GLRA2: variants seen among roughly 807,000 people sequenced by gnomAD.
GLRA2 encodes glycine receptor subunit alpha-2.
Under a neutral mutation model 31.6 loss-of-function variants are expected in GLRA2, and 11 were observed. The observed-to-expected ratio is 0.35, with a 90% confidence interval of 0.22 to 0.58. GLRA2 has a LOEUF of 0.58. GLRA2 is among the 20% of genes least tolerant of loss of function. GLRA2 has a pLI of 0.84. For synonymous variants in GLRA2, 132 were observed against 134.0 expected (o/e 0.99, Z 0.10); for missense variants, 212 against 351.8 (o/e 0.60, Z 3.18).
chrX:14,672,690 A>G (rs965184183), intron 7 of GLRA2, among the ~76,000 whole-genome samples: 5 of 112,033 alleles, frequency 4.5e-5, no homozygotes, highest in African/African-American at 1.6e-4. Flanking sequence ...AAGTGAGATC[A>G]ACAGCCCAGC....
chrX:14,723,547 T>A (rs1468799048), intron 8 of GLRA2, among the ~76,000 whole-genome samples: 1 of 112,115 alleles, frequency 8.9e-6, no homozygotes, highest in Non-Finnish European at 1.9e-5. Context: ...AAGCCAGTTA[T>A]GGCTCCCCTT....
chrX:14,609,184 C>T lies in GLRA2; in HGVS notation c.909C>T (p.Gly303=). The T allele has an allele frequency of 3.4e-6, 4 of 1,183,892 alleles. No individual in the cohort carries two copies. The highest frequency in any genetic ancestry group is 4.6e-6 in the Non-Finnish European group (4 of 871,878). Residue 303 remains glycine, a synonymous_variant, in exon 7 of 9, where the codon GGC becomes GGT. Coordinates refer to ENST00000218075, the MANE Select transcript of GLRA2 (RefSeq NM_002063.4). ...TVLTMTTQSS[G]SRASLPKVSY... ...TAACGATGACCACCCAGAGTTCAGG[C>T]TCCAGGGCATCTCTGCCAAAGGTAA... is the stretch of plus-strand genomic sequence containing the variant.
intron 2 of GLRA2, among the ~76,000 whole-genome samples, chrX:14,546,718 T>C (rs2089486389): frequency 9.0e-6 from 1 of 110,955 alleles, no homozygotes; most frequent in African/African-American, 3.3e-5. Context: ...CAATGTATAG[T>C]TAACAGCACT....
At chrX:14,514,843 A>G in the GLRA2 span, among the ~76,000 whole-genome samples, 1 of 110,803 alleles carries the variant, frequency 9.0e-6, no homozygotes, top group African/African-American at 3.3e-5. Context: ...TATAGTTTTA[A>G]TCAGATTAAT....
upstream of GLRA2, among the ~76,000 whole-genome samples, chrX:14,528,815 A>G (rs1170364572): frequency 6.3e-5 from 7 of 111,486 alleles, no homozygotes; most frequent in Admixed American, 9.5e-5. Context: ...AAAGATTGCT[A>G]CTGCCCCCTG....
intron 7 of GLRA2, among the ~76,000 whole-genome samples, chrX:14,673,786 T>G (rs1372541347): frequency 8.9e-6 from 1 of 112,614 alleles, no homozygotes; most frequent in Non-Finnish European, 1.9e-5. Flanking sequence ...GAGGCACTAA[T>G]TGCTGACTGA....
chrX:14,714,397 G>T (rs1439739146), intron 8 of GLRA2, among the ~76,000 whole-genome samples: 2 of 111,423 alleles, frequency 1.8e-5, no homozygotes, highest in Non-Finnish European at 3.8e-5. Flanking sequence ...TAATTATCTA[G>T]CCCCAAGTAT....
chrX:14,725,060 A>G (rs1054476460), intron 8 of GLRA2, among the ~76,000 whole-genome samples: 4 of 111,892 alleles, frequency 3.6e-5, no homozygotes, highest in African/African-American at 9.7e-5. Context: ...TCTCAGCTTC[A>G]ACATTTATTA....
intron 2 of GLRA2, among the ~76,000 whole-genome samples, chrX:14,566,961 C>A (rs753642983): frequency 9.0e-6 from 1 of 111,023 alleles, no homozygotes; most frequent in Admixed American, 9.6e-5. Context: ...GCTGTGTACC[C>A]TCCAGGGTAC....
chrX:14,527,189 A>G (rs1268074028), upstream of GLRA2, among the ~76,000 whole-genome samples: 2 of 111,935 alleles, frequency 1.8e-5, no homozygotes, highest in East Asian at 5.6e-4. Flanking sequence ...AGGAGGCTAA[A>G]CTAGATCCTC....
At chrX:14,519,254 A>G in the GLRA2 span, among the ~76,000 whole-genome samples, 1 of 111,615 alleles carries the variant, frequency 9.0e-6, no homozygotes, top group Non-Finnish European at 1.9e-5. Flanking sequence ...AATGAAGCTT[A>G]AAAAGAAGTC....
intron 2 of GLRA2, among the ~76,000 whole-genome samples, chrX:14,554,148 T>C (rs987729221): frequency 6.2e-5 from 7 of 112,295 alleles, no homozygotes; most frequent in South Asian, 3.7e-4. Context: ...TCAGTCAAAT[T>C]TGAGCACTTG....
At chrX:14,632,963 T>C (rs552517248) in intron 7 of GLRA2, among the ~76,000 whole-genome samples, 153 of 111,799 alleles carry the variant, frequency 1.4e-3, no homozygotes, top group Non-Finnish European at 2.4e-3. Flanking sequence ...GTAAATATTT[T>C]AGGCTTGCAA....
At chrX:14,546,509 C>T (rs2089481813) in intron 2 of GLRA2, among the ~76,000 whole-genome samples, 1 of 111,206 alleles carries the variant, frequency 9.0e-6, no homozygotes, top group Non-Finnish European at 1.9e-5. Flanking sequence ...AAAAGATTTC[C>T]TTGGCAAAAG....
chrX:14,503,036 T>C, the GLRA2 span, among the ~76,000 whole-genome samples: 5 of 111,551 alleles, frequency 4.5e-5, no homozygotes, highest in African/African-American at 6.5e-5. Flanking sequence ...TTTCATTGCT[T>C]AGCACATATC....
chrX:14,494,936 GTCCTCTGTATGATGCC>G, the GLRA2 span, among the ~76,000 whole-genome samples: 4 of 111,898 alleles, frequency 3.6e-5, no homozygotes, highest in African/African-American at 1.3e-4. Context: ...CCTTTAATCA[GTCCTCTGTATGATGCC>G]TCCTTTCATC....
chrX:14,523,995 A>G, the GLRA2 span, among the ~76,000 whole-genome samples: 4 of 112,173 alleles, frequency 3.6e-5, no homozygotes, highest in Non-Finnish European at 7.5e-5. Context: ...TTCAAGTTTT[A>G]TCATGAGATT....
the GLRA2 span, among the ~76,000 whole-genome samples, chrX:14,466,956 TC>T: frequency 5.4e-5 from 6 of 111,862 alleles, no homozygotes. Flanking sequence ...TTGCATTTAT[TC>T]CATCCACACC....
chrX:14,724,147 CGTATAT>C (rs777729512), intron 8 of GLRA2, among the ~76,000 whole-genome samples: 6 of 111,328 alleles, frequency 5.4e-5, no homozygotes, highest in Non-Finnish European at 5.7e-5. Flanking sequence ...TATATGCATT[CGTATAT>C]GTATATGTGT....
Sources: gnomAD v4.1 joint callset for allele counts (sites outside exome capture counted in the v4.1 genomes callset) on GRCh38, gnomAD v4.1.1 for gene constraint, MANE v1.5 for transcripts, NCBI Gene and HGNC (gene_info 2026-07-23, HGNC 2026-07-21) for gene names.